The following TRIM2 variants were observed in gnomAD, a reference collection of about 807,000 sequenced individuals.
TRIM2 encodes tripartite motif-containing protein 2.
Under a neutral mutation model 75.2 loss-of-function variants are expected in TRIM2, and 20 were observed. That is an observed-to-expected ratio of 0.27 (90% CI 0.19 to 0.39). The LOEUF is 0.39. TRIM2 is among the 10% of genes least tolerant of loss of function. TRIM2 has a pLI of 1.00. For missense variants in TRIM2, 660 were observed against 990.8 expected (o/e 0.67, Z 4.48); for synonymous variants, 373 against 388.3 (o/e 0.96, Z 0.46).
At position 153,197,808 on chromosome 4, in the gene TRIM2, G is replaced by A. The variant is rs1019866413; in HGVS notation, c.-49+44538G>A. 2.6e-5 allele frequency among the ~76,000 whole-genome samples: 4 copies of A among 152,174 alleles called. No individual in the cohort carries two copies. The East Asian group carries it at 5.8e-4, about 22-fold the overall frequency. ...GAATTGCTTGAACCCAGAAGGCAGA[G>A]GTTCTAGTGAGCCAAGATTGCACCA... On this transcript the variant is annotated intron_variant, in intron 1 of 11. Transcript: ENST00000437508.
At chr4:153,281,221 G>A (rs1759271215) in intron 3 of TRIM2, among the ~76,000 whole-genome samples, 1 of 152,180 alleles carries the variant, frequency 6.6e-6, no homozygotes, top group East Asian at 1.9e-4. Flanking sequence ...CATATGCTGT[G>A]GGTGGAAGGG....
At chr4:153,201,242 G>T (rs574033434), upstream of TRIM2, among the ~76,000 whole-genome samples, 6 of 152,294 alleles carry the variant, frequency 3.9e-5, no homozygotes, top group African/African-American at 1.4e-4. Flanking sequence ...GGGATTACAG[G>T]CGTGAGCCAC....
intron 1 of TRIM2, among the ~76,000 whole-genome samples, chr4:153,231,055 C>T (rs530298498): frequency 2.0e-5 from 3 of 152,262 alleles, no homozygotes; most frequent in South Asian, 2.1e-4. Flanking sequence ...GGACTCACAC[C>T]TAGGATGTCT....
At chr4:153,221,957 AAAGAGGG>A in intron 1 of TRIM2, among the ~76,000 whole-genome samples, 1 of 83,194 alleles carries the variant, frequency 1.2e-5, no homozygotes. Context: ...GGAAGGAAGG[AAAGAGGG>A]AGGAAGGGAG....
At chr4:153,158,414 T>G (rs1456750670) in intron 1 of TRIM2, among the ~76,000 whole-genome samples, 1 of 152,208 alleles carries the variant, frequency 6.6e-6, no homozygotes, top group African/African-American at 2.4e-5. Flanking sequence ...TTTTGATCAT[T>G]GTATAGTGGC....
At chr4:153,278,909 A>G (rs1359617468) in intron 3 of TRIM2, among the ~76,000 whole-genome samples, 2 of 152,232 alleles carry the variant, frequency 1.3e-5, no homozygotes, top group African/African-American at 4.8e-5. Context: ...CGGCTAGAAC[A>G]TGGAGACAGC....
intron 10 of TRIM2, 77 bp from the exon 11 acceptor site, chr4:153,328,449 CAAAT>C (rs1000815144): frequency 4.6e-6 from 6 of 1,300,058 alleles, no homozygotes; most frequent in Non-Finnish European, 6.3e-6. Context: ...ATAACCTGCT[CAAAT>C]AGATATTTTT....
intron 1 of TRIM2, among the ~76,000 whole-genome samples, chr4:153,260,862 C>T (rs1315030679): frequency 6.6e-6 from 1 of 152,100 alleles, no homozygotes; most frequent in African/African-American, 2.4e-5. Flanking sequence ...TTTAATTTCA[C>T]TAAAGATTGT....
intron 1 of TRIM2, among the ~76,000 whole-genome samples, chr4:153,197,450 A>G (rs529997685): frequency 2.5e-4 from 38 of 152,284 alleles, no homozygotes; most frequent in African/African-American, 8.7e-4. Context: ...TGCATCTGCT[A>G]TGGACTCGAT....
intron 1 of TRIM2, among the ~76,000 whole-genome samples, chr4:153,259,477 A>G (rs1752876028): frequency 6.6e-6 from 1 of 152,344 alleles, no homozygotes; most frequent in African/African-American, 2.4e-5. Context: ...CTCTTATAAA[A>G]CTAAAACTAC....
chr4:153,260,326 C>T (rs748009499), intron 1 of TRIM2, among the ~76,000 whole-genome samples: 7 of 152,086 alleles, frequency 4.6e-5, no homozygotes, highest in Non-Finnish European at 7.4e-5. Context: ...TTGACTGTCC[C>T]AGAGTGCTGT....
At chr4:153,300,024 C>T in intron 6 of TRIM2, among the ~76,000 whole-genome samples, 1 of 152,212 alleles carries the variant, frequency 6.6e-6, no homozygotes, top group Non-Finnish European at 1.5e-5. Flanking sequence ...TAAAAATTGC[C>T]TTGCTGAGAA....
Position 153,174,087 on chromosome 4 carries a change from G to A in TRIM2, c.-49+20817G>A, listed in dbSNP as rs533641592. On this transcript the variant is annotated intron_variant, in intron 1 of 11. Coordinates refer to the TRIM2 transcript ENST00000437508. ...AGGCCCCCGGGTGGGAATAGCCCTC[G>A]TGGGTGCCTGAAGTGCCCGATGGCA... is the stretch of plus-strand genomic sequence containing the variant. Among the ~76,000 whole-genome samples the A allele has an allele frequency of 5.7e-4, 21 of 36,746 alleles. 3 individuals carry two copies. Among genetic ancestry groups the A allele is most frequent in the Admixed American group, 3.2e-3 (13 of 4,018 alleles). 24.1% of individuals were successfully genotyped at this position (36,746 alleles called of 152,430 possible).
Position 153,174,504 on chromosome 4 carries a change from G to A in TRIM2, c.-49+21234G>A, listed in dbSNP as rs113372465. The stretch of plus-strand genomic sequence containing the variant: ...CTGCCCCCACCGGGTGTGCAAAGGA[G>A]CAGGGCCTTTTTGCCCACAGATCAG... On this transcript the variant is annotated intron_variant, in intron 1 of 11. Coordinates refer to the TRIM2 transcript ENST00000437508. Among the ~76,000 whole-genome samples the A allele has an allele frequency of 7.2e-3, 1,098 of 152,266 alleles. 18 individuals are homozygous for A. Among genetic ancestry groups the A allele is most frequent in the African/African-American group, 0.025 (1,032 of 41,570 alleles).
intron 1 of TRIM2, among the ~76,000 whole-genome samples, chr4:153,263,491 G>A (rs757220906): frequency 6.6e-5 from 10 of 152,104 alleles, no homozygotes; most frequent in Non-Finnish European, 1.2e-4. Context: ...GTTATATTTC[G>A]CTAGTTTGAT....
intron 3 of TRIM2, among the ~76,000 whole-genome samples, chr4:153,286,303 G>C (rs1760604204): frequency 6.6e-6 from 1 of 152,022 alleles, no homozygotes; most frequent in African/African-American, 2.4e-5. Flanking sequence ...TGGTATCTTT[G>C]GCTTTGGTAT....
intron 6 of TRIM2, among the ~76,000 whole-genome samples, chr4:153,305,565 A>T (rs1484522537): frequency 1.3e-5 from 2 of 152,246 alleles, no homozygotes; most frequent in Non-Finnish European, 2.9e-5. Flanking sequence ...GTCCAGAGGC[A>T]TGGTGGCAGC....
At chr4:153,333,619 C>A (rs1771974165) in intron 11 of TRIM2, among the ~76,000 whole-genome samples, 1 of 152,034 alleles carries the variant, frequency 6.6e-6, no homozygotes, top group South Asian at 2.1e-4. Context: ...AACCGATAGA[C>A]CAAAAGAAAG....
chr4:153,256,849 A>G (rs1049984695), intron 1 of TRIM2, among the ~76,000 whole-genome samples: 1 of 152,162 alleles, frequency 6.6e-6, no homozygotes, highest in Non-Finnish European at 1.5e-5. Context: ...TACTTTATAG[A>G]CCCTGCCCTG....
Sources: allele counts gnomAD v4.1 joint callset (sites outside exome capture counted in the v4.1 genomes callset), GRCh38; gene constraint gnomAD v4.1.1; transcripts MANE v1.5; gene names NCBI Gene and HGNC (gene_info 2026-07-23, HGNC 2026-07-21).